The following MRPS25 variants were observed in gnomAD, a reference collection of about 807,000 sequenced individuals.
MRPS25 encodes the protein small ribosomal subunit protein mS25.
Under a neutral mutation model 17.3 loss-of-function variants are expected in MRPS25, and 15 were observed. The observed-to-expected ratio is 0.87, with a 90% CI of 0.58 to 1.34. The LOEUF (loss-of-function observed/expected upper bound fraction) is 1.34. MRPS25 is among the 40% of genes most tolerant of loss of function. The pLI is 0.00. For synonymous variants in MRPS25, 94 were observed against 83.3 expected (o/e 1.13, Z -0.70); for missense variants, 225 against 218.6 (o/e 1.03, Z -0.19).
At chr3:15,059,511 G>C in intron 1 of MRPS25, 36 bp from the exon 2 acceptor site, 1 of 1,438,860 alleles carries the variant, frequency 6.9e-7, no homozygotes, top group Non-Finnish European at 9.7e-7. Flanking sequence ...ATGAAACAGA[G>C]TTTTTAGCCT....
intron 1 of MRPS25, among the ~76,000 whole-genome samples, chr3:15,061,427 G>A (rs978541973): frequency 1.3e-5 from 2 of 152,176 alleles, no homozygotes; most frequent in Non-Finnish European, 2.9e-5. Flanking sequence ...TGTGTTGGCC[G>A]GGCTGGTCTC....
chr3:15,043,187 CTGACA>C (rs2042331842), downstream of MRPS25: 3 of 445,982 alleles, frequency 6.7e-6, no homozygotes, highest in South Asian at 2.2e-4. Context: ...GGATCCTTTC[CTGACA>C]TAAGAAATGT....
Position 15,051,129 on chromosome 3 carries a change from C to A in MRPS25, c.*1312G>T. ...CTCAGATAAAGTCAGGTCTCCTTGG[C>A]TGAGTTTCTAGGGGTCCGTGGTCCA... On this transcript the variant is annotated 3_prime_UTR_variant, in exon 4 of 4. Coordinates refer to ENST00000253686, the MANE Select transcript of MRPS25 (RefSeq NM_022497.5). 1.0e-6 allele frequency: 1 copy of A among 985,404 alleles called. No individual in the cohort carries two copies. The highest frequency in any genetic ancestry group is 1.2e-6 in the Non-Finnish European group (1 of 829,936). The allele number at this position is 985,404 out of a possible 1,614,324, so 61.0% of individuals were successfully genotyped here. A position where few individuals can be genotyped will look rare whatever the true frequency, so the allele number is the denominator to read the frequency against.
intron 1 of MRPS25, among the ~76,000 whole-genome samples, chr3:15,061,399 G>A (rs984482962): frequency 2.0e-5 from 3 of 152,172 alleles, no homozygotes; most frequent in African/African-American, 7.2e-5. Context: ...TATTTTTTTG[G>A]TGGAGACGGG....
At chr3:15,043,279 CA>C, downstream of MRPS25, 1 of 246,302 alleles carries the variant, frequency 4.1e-6, no homozygotes, top group Non-Finnish European at 7.5e-6. Context: ...TCTCAAAGGG[CA>C]AAAAACAAAA....
At chr3:15,055,178 T>C (rs1166096579) in intron 2 of MRPS25, among the ~76,000 whole-genome samples, 1 of 152,136 alleles carries the variant, frequency 6.6e-6, no homozygotes, top group Non-Finnish European at 1.5e-5. Flanking sequence ...CGGATGGTGC[T>C]AAACCATTCA....
Position 15,050,620 on chromosome 3 carries a change from G to A in MRPS25, c.*1821C>T. 2 of 985,422 alleles carry A rather than the reference G, an allele frequency of 2.0e-6. No individual in the cohort carries two copies. Among genetic ancestry groups the A allele is most frequent in the Non-Finnish European group, 2.4e-6 (2 of 829,946 alleles). The allele number at this position is 985,422 out of a possible 1,614,324, so 61.0% of individuals were successfully genotyped here. On this transcript the variant is annotated 3_prime_UTR_variant, in exon 4 of 4. Coordinates refer to ENST00000253686, the MANE Select transcript of MRPS25 (RefSeq NM_022497.5). ...GGGGAACTGAAACCAGCAGACATGG[G>A]AGGGCTCTCTGTGGAGGAGAGCTTT...
chr3:15,050,339 CCATTAGGGACCAGACATTTATTCTGTCT>C lies in MRPS25; in HGVS notation c.*2074_*2101del. The stretch of plus-strand genomic sequence containing the variant: ...TGAACTCAAACCCTAGTTATCTGTC[CCATTAGGGACCAGACATTTATTCTGTCT>C]AGAGAATGGTCACCACTCCTTTTGG... On this transcript the variant is annotated 3_prime_UTR_variant, in exon 4 of 4. Transcript: ENST00000253686. 1 of 1,065,774 alleles carries C rather than the reference CCATTAGGGACCAGACATTTATTCTGTCT, an allele frequency of 9.4e-7. No individual in the cohort carries two copies. Among genetic ancestry groups the C allele is most frequent in the Non-Finnish European group, 1.1e-6 (1 of 882,430 alleles). The allele number at this position is 1,065,774 out of a possible 1,614,324, so 66.0% of individuals were successfully genotyped here.
In MRPS25 at chr3:15,051,019, C is replaced by T; in HGVS notation, c.*1422G>A. On this transcript the variant is annotated 3_prime_UTR_variant, in exon 4 of 4. Transcript: ENST00000253686. Reference sequence around the variant, plus strand: ...AGCTTTTAGGACTTGACCAAGGCCCCAGCAGGTAGAGGAATGAAAACTTCA... The same window carrying T: ...AGCTTTTAGGACTTGACCAAGGCCCTAGCAGGTAGAGGAATGAAAACTTCA... 3.1e-6 allele frequency: 3 copies of T among 983,396 alleles called. No homozygotes were observed. The South Asian group carries it at 1.4e-4, about 46-fold the overall frequency. 60.9% of individuals were successfully genotyped at this position (983,396 alleles called of 1,614,324 possible). A position where few individuals can be genotyped will look rare whatever the true frequency, so the allele number is the denominator to read the frequency against.
chr3:15,053,965 A>G (rs1483800986), intron 2 of MRPS25, among the ~76,000 whole-genome samples: 1 of 152,232 alleles, frequency 6.6e-6, no homozygotes, highest in African/African-American at 2.4e-5. Context: ...TGGTACTAGT[A>G]TAAGAATATG....
chr3:15,052,510 G>T lies in MRPS25; in HGVS notation c.453C>A (p.Ser151Arg). 1 of 1,614,170 alleles carries T rather than the reference G, an allele frequency of 6.2e-7. No individual in the cohort carries two copies. Among genetic ancestry groups the T allele is most frequent in the Non-Finnish European group, 8.5e-7 (1 of 1,180,024 alleles). Reference sequence around the variant, plus strand: ...TCATCTCCTTGGGTAATGGCACCAGGCTGGGGCAGGGCACCTGCCCTTCCA... The same window carrying T: ...TCATCTCCTTGGGTAATGGCACCAGTCTGGGGCAGGGCACCTGCCCTTCCA... ...CEVEGQVPCP[S>R]LVPLPKEMRG... Residue 151 changes from serine (S) to arginine (R), a missense_variant, in exon 4 of 4, where the codon AGC becomes AGA. By Grantham distance (110) the Ser-to-Arg change is moderately radical. Coordinates refer to ENST00000253686, the MANE Select transcript of MRPS25 (RefSeq NM_022497.5).
chr3:15,054,547 A>C (rs2042646449), intron 2 of MRPS25, among the ~76,000 whole-genome samples: 1 of 152,256 alleles, frequency 6.6e-6, no homozygotes, highest in African/African-American at 2.4e-5. Context: ...ACCTCAAAAA[A>C]AAAATTAAAA....
chr3:15,057,778 T>C (rs771737725), intron 2 of MRPS25, among the ~76,000 whole-genome samples: 8 of 152,162 alleles, frequency 5.3e-5, no homozygotes, highest in Non-Finnish European at 8.8e-5. Flanking sequence ...CTGAAGTAAA[T>C]TGCACCTCAA....
chr3:15,058,110 A>C (rs990942141), intron 2 of MRPS25, among the ~76,000 whole-genome samples: 2 of 152,120 alleles, frequency 1.3e-5, no homozygotes, highest in Non-Finnish European at 1.5e-5. Context: ...TCCTGAGCTC[A>C]AGAGATCCAC....
intron 1 of MRPS25, among the ~76,000 whole-genome samples, chr3:15,062,442 G>A (rs1559330553): frequency 4.5e-5 from 1 of 22,168 alleles, no homozygotes; most frequent in Non-Finnish European, 1.1e-4. Flanking sequence ...CGGGAGGGAG[G>A]TGGGGGGGGT....
At position 15,051,006 on chromosome 3, in the gene MRPS25, T is replaced by C. The variant is rs2042596825; in HGVS notation, c.*1435A>G. On this transcript the variant is annotated 3_prime_UTR_variant, in exon 4 of 4. Transcript: ENST00000253686. ...TACAGACCTGGAAAGCTTTTAGGAC[T>C]TGACCAAGGCCCCAGCAGGTAGAGG... is the stretch of plus-strand genomic sequence containing the variant. 2.0e-6 allele frequency: 2 copies of C among 984,346 alleles called. No individual in the cohort carries two copies. Among genetic ancestry groups the C allele is most frequent in the Non-Finnish European group, 2.4e-6 (2 of 828,980 alleles). 61.0% of individuals were successfully genotyped at this position (984,346 alleles called of 1,614,324 possible).
Position 15,052,383 on chromosome 3 carries a change from C to T in MRPS25, c.*58G>A. ...GGGCTTCCCTGGGCCAAAGTAATCCCATTCCAATCTCCCCACTGGTCAGAC... is the reference window on the plus strand; with the variant it reads ...GGGCTTCCCTGGGCCAAAGTAATCCTATTCCAATCTCCCCACTGGTCAGAC... On this transcript the variant is annotated 3_prime_UTR_variant, in exon 4 of 4. Coordinates refer to ENST00000253686, the MANE Select transcript of MRPS25 (RefSeq NM_022497.5). 1 of 1,561,320 alleles carries T rather than the reference C, an allele frequency of 6.4e-7. No individual in the cohort carries two copies. The highest frequency in any genetic ancestry group is 8.7e-7 in the Non-Finnish European group (1 of 1,151,398).
Position 15,065,165 on chromosome 3 carries a change from G to A in MRPS25, c.30C>T (p.Arg10=). The A allele has an allele frequency of 6.2e-7, 1 of 1,607,252 alleles. No homozygotes were observed. The highest frequency in any genetic ancestry group is 1.1e-5 in the South Asian group (1 of 89,796). The change falls in exon 1 of 4, where the codon CGC becomes CGT. Residue 10 remains arginine, a synonymous_variant. Transcript: ENST00000253686. MPMKGRFPI[R]RTLQYLSQGN... ...CCTGGCTCAGATATTGCAGGGTGCG[G>A]CGGATGGGGAAGCGGCCCTTCATGG...
Position 15,065,144 on chromosome 3 carries a change from G to C in MRPS25, c.51C>G (p.Ser17Arg). The C allele has an allele frequency of 6.2e-7, 1 of 1,609,262 alleles. No individual in the cohort carries two copies. The highest frequency in any genetic ancestry group is 1.1e-5 in the South Asian group (1 of 89,990). The change falls in exon 1 of 4, where the codon AGC (serine) becomes AGG (arginine). Residue 17 changes from serine (S) to arginine (R), a missense_variant. By Grantham distance (110) the Ser-to-Arg change is moderately radical. Transcript: ENST00000253686. ...FPIRRTLQYL[S>R]QGNVVFKDSV... Reference sequence around the variant, plus strand: ...AGTCCTTGAACACCACGTTCCCCTGGCTCAGATATTGCAGGGTGCGGCGGA... The same window carrying C: ...AGTCCTTGAACACCACGTTCCCCTGCCTCAGATATTGCAGGGTGCGGCGGA...
Sources: gnomAD v4.1 joint callset for allele counts (sites outside exome capture counted in the v4.1 genomes callset) on GRCh38, gnomAD v4.1.1 for gene constraint, MANE v1.5 for transcripts, NCBI Gene and HGNC (gene_info 2026-07-23, HGNC 2026-07-21) for gene names.